The following FRAS1 variants were observed in gnomAD, a reference collection of about 807,000 sequenced individuals.
FRAS1 encodes the protein Fraser extracellular matrix complex subunit 1, also known as extracellular matrix organizing protein FRAS1.
In FRAS1, 290 loss-of-function variants were observed where a neutral mutation model predicts 435.2. The ratio of observed to expected loss-of-function variants is 0.67; its 90% confidence interval spans 0.61 to 0.73. FRAS1 has a LOEUF of 0.73. FRAS1 is among the 30% of genes least tolerant of loss of function. The pLI is 0.00. For missense variants in FRAS1, 4,860 were observed against 5,001.5 expected (o/e 0.97, Z 0.85); for synonymous variants, 1,800 against 1,851.0 (o/e 0.97, Z 0.71).
At chr4:78,525,609 G>T (rs956509918) in intron 69 of FRAS1, among the ~76,000 whole-genome samples, 4 of 152,200 alleles carry the variant, frequency 2.6e-5, no homozygotes, top group Admixed American at 2.6e-4. Context: ...GTCAAAACAA[G>T]CACAGCATTT....
intron 2 of FRAS1, among the ~76,000 whole-genome samples, chr4:78,120,996 G>T (rs1425514169): frequency 1.3e-5 from 2 of 152,178 alleles, no homozygotes; most frequent in East Asian, 1.9e-4. Context: ...GATCAAGGCA[G>T]AGAGCCAGAG....
At chr4:78,080,431 C>T (rs1408018753) in intron 2 of FRAS1, among the ~76,000 whole-genome samples, 1 of 152,118 alleles carries the variant, frequency 6.6e-6, no homozygotes, top group African/African-American at 2.4e-5. Flanking sequence ...TTCTTTGTAA[C>T]TGTATAGACT....
chr4:78,117,758 C>T (rs1391259632), intron 2 of FRAS1, among the ~76,000 whole-genome samples: 1 of 152,194 alleles, frequency 6.6e-6, no homozygotes, highest in African/African-American at 2.4e-5. Flanking sequence ...TTTTTAACTT[C>T]TTTGCCATGG....
intron 2 of FRAS1, among the ~76,000 whole-genome samples, chr4:78,234,820 A>C (rs1278737681): frequency 6.6e-6 from 1 of 152,108 alleles, no homozygotes; most frequent in Non-Finnish European, 1.5e-5. Flanking sequence ...TTAAAGGGTG[A>C]TTTTATTTTT....
rs777041900 is a variant in FRAS1 at position 78,536,985 on chromosome 4, A to G, written c.11093-10A>G. 8.7e-6 allele frequency: 14 copies of G among 1,611,152 alleles called. No individual in the cohort carries two copies. Among genetic ancestry groups the G allele is most frequent in the Middle Eastern group, 1.7e-4 (1 of 6,058 alleles). On this transcript the variant is annotated splice_polypyrimidine_tract_variant and intron_variant, in intron 71 of 73. Transcript: ENST00000512123. ...AGTCTGACCTAATTAATACCTTTCAATCTTTTCAGGTCAAATCCTTTATGG... is the reference window on the plus strand; with the variant it reads ...AGTCTGACCTAATTAATACCTTTCAGTCTTTTCAGGTCAAATCCTTTATGG...
intron 2 of FRAS1, among the ~76,000 whole-genome samples, chr4:78,114,205 A>G (rs1365520494): frequency 6.6e-6 from 1 of 152,170 alleles, no homozygotes; most frequent in East Asian, 1.9e-4. Flanking sequence ...TTTGGGTACC[A>G]GTAGCATGCT....
At chr4:78,409,131 A>AT (rs1310524948) in intron 31 of FRAS1, among the ~76,000 whole-genome samples, 3 of 150,388 alleles carry the variant, frequency 2.0e-5, no homozygotes, top group Non-Finnish European at 4.4e-5. Flanking sequence ...AAAAAAAAAA[A>AT]AAAAGACAAA....
chr4:78,505,751 C>T (rs997382527), intron 61 of FRAS1, among the ~76,000 whole-genome samples: 1 of 139,702 alleles, frequency 7.2e-6, no homozygotes, highest in Non-Finnish European at 1.6e-5. Flanking sequence ...AAGTCATTCT[C>T]CATCCATCTT....
At chr4:78,076,620 T>G (rs578201374) in intron 2 of FRAS1, among the ~76,000 whole-genome samples, 59 of 152,290 alleles carry the variant, frequency 3.9e-4, no homozygotes, top group African/African-American at 1.3e-3. Flanking sequence ...AATTCCTACA[T>G]CTAAAATATA....
chr4:78,133,593 T>G (rs1442728898), intron 2 of FRAS1, among the ~76,000 whole-genome samples: 1 of 152,220 alleles, frequency 6.6e-6, no homozygotes, highest in Non-Finnish European at 1.5e-5. Context: ...GCTGTGATTA[T>G]TACACATTGC....
At chr4:78,456,121 T>C (rs528438823) in intron 47 of FRAS1, among the ~76,000 whole-genome samples, 4 of 148,536 alleles carry the variant, frequency 2.7e-5, no homozygotes, top group Admixed American at 6.8e-5. Context: ...GGAGCATTAC[T>C]TGAAGAACAC....
At chr4:78,304,443 C>G (rs1463088073) in intron 14 of FRAS1, among the ~76,000 whole-genome samples, 2 of 152,280 alleles carry the variant, frequency 1.3e-5, no homozygotes, top group South Asian at 2.1e-4. Context: ...ACCAATGGTA[C>G]CAGTTCCTCC....
At chr4:78,396,670 T>C (rs1732682740) in intron 29 of FRAS1, among the ~76,000 whole-genome samples, 1 of 152,254 alleles carries the variant, frequency 6.6e-6, no homozygotes, top group Non-Finnish European at 1.5e-5. Context: ...GTTTATTTGA[T>C]GGTGTCCCAT....
At chr4:78,188,326 C>A (rs956201126) in intron 2 of FRAS1, among the ~76,000 whole-genome samples, 45 of 126,466 alleles carry the variant, frequency 3.6e-4, no homozygotes, top group African/African-American at 1.3e-3. Context: ...TCTAATCTAT[C>A]TATCTATATT....
chr4:78,101,106 A>G (rs1390910067), intron 2 of FRAS1, among the ~76,000 whole-genome samples: 1 of 144,672 alleles, frequency 6.9e-6, no homozygotes, highest in Admixed American at 7.2e-5. Context: ...TTAAAGATGA[A>G]TAACTCGATT....
At chr4:78,197,747 C>T (rs1423410804) in intron 2 of FRAS1, among the ~76,000 whole-genome samples, 1 of 152,098 alleles carries the variant, frequency 6.6e-6, no homozygotes. Flanking sequence ...CGAGACCATC[C>T]TGGCTAACAC....
At chr4:78,312,093 C>T (rs892107541) in intron 15 of FRAS1, among the ~76,000 whole-genome samples, 1 of 150,194 alleles carries the variant, frequency 6.7e-6, no homozygotes, top group African/African-American at 2.5e-5. Flanking sequence ...TTAATAAGAC[C>T]TTTGCTAAGG....
chr4:78,114,420 A>C (rs144415657), intron 2 of FRAS1, among the ~76,000 whole-genome samples: 138,771 of 152,128 alleles, frequency 0.91, 63,463 homozygotes, highest in Admixed American at 0.95. Flanking sequence ...TTACCTTGGG[A>C]AGTATGGCCA....
intron 29 of FRAS1, among the ~76,000 whole-genome samples, chr4:78,393,799 A>G (rs1027264362): frequency 6.6e-6 from 1 of 152,058 alleles, no homozygotes; most frequent in South Asian, 2.1e-4. Flanking sequence ...TGCTGATCAT[A>G]TGGTAGTTTG....
Sources: gnomAD v4.1 joint callset for allele counts (sites outside exome capture counted in the v4.1 genomes callset) on GRCh38, gnomAD v4.1.1 for gene constraint, MANE v1.5 for transcripts, NCBI Gene and HGNC (gene_info 2026-07-23, HGNC 2026-07-21) for gene names.